The following PLAT variants were observed in gnomAD, a reference collection of about 807,000 sequenced individuals.
PLAT encodes plasminogen activator, tissue type, also known as tissue-type plasminogen activator.
Under a neutral mutation model 74.9 loss-of-function variants are expected in PLAT, and 48 were observed. That is an observed-to-expected ratio of 0.64 (90% CI 0.51 to 0.82). The LOEUF is 0.82. Among genes scored for constraint, PLAT ranks in the 40% least tolerant of loss-of-function variants. The pLI is 0.00. For synonymous variants in PLAT, 307 were observed against 294.4 expected, an observed-to-expected ratio of 1.04 and a Z score of -0.44; for missense variants, 673 against 736.2, an observed-to-expected ratio of 0.91 and a Z score of 0.99.
At chr8:42,184,515 G>A (rs8178767) in intron 7 of PLAT, among the ~76,000 whole-genome samples, 1,831 of 151,450 alleles carry the variant, frequency 0.012, 29 homozygotes, top group South Asian at 0.056. Context: ...GCCTGCCACC[G>A]TATCCGGCTA....
At chr8:42,194,011 C>T (rs1293702012) in intron 1 of PLAT, among the ~76,000 whole-genome samples, 5 of 122,828 alleles carry the variant, frequency 4.1e-5, no homozygotes, top group Non-Finnish European at 7.0e-5. Context: ...ACCGCGCCCC[C>T]GCTGCCTTTT....
chr8:42,194,215 T>TGAGAGAGAGAGAGAGAGAGAGAGA (rs140537859), intron 1 of PLAT, among the ~76,000 whole-genome samples: 1 of 119,912 alleles, frequency 8.3e-6, no homozygotes, highest in African/African-American at 4.6e-5. Flanking sequence ...TGTGCCTGGC[T>TGAGAGAGAGAGAGAGAGAGAGAGA]GAGAGAGAGA....
At chr8:42,200,429 C>T (rs1346225812) in intron 1 of PLAT, among the ~76,000 whole-genome samples, 1 of 152,058 alleles carries the variant, frequency 6.6e-6, no homozygotes, top group Non-Finnish European at 1.5e-5. Context: ...AATCCCAACA[C>T]TTTGGGAGGC....
intron 1 of PLAT, among the ~76,000 whole-genome samples, chr8:42,197,451 C>T (rs779247079): frequency 1.3e-5 from 2 of 152,150 alleles, no homozygotes; most frequent in East Asian, 1.9e-4. Context: ...AGTGGGGTAC[C>T]GTGCTGTAAG....
chr8:42,180,537 G>A lies in PLAT; in HGVS notation c.1038C>T (p.Leu346=), dbSNP rs746241266. The A allele has an allele frequency of 6.2e-7, 1 of 1,614,172 alleles. No individual in the cohort carries two copies. Among genetic ancestry groups the A allele is most frequent in the South Asian group, 1.1e-5 (1 of 91,088 alleles). Residue 346 remains leucine, a synonymous_variant, in exon 10 of 14, where the codon CTC becomes CTT. Coordinates refer to ENST00000220809, the MANE Select transcript of PLAT (RefSeq NM_000930.5). ...CAGAGAGAATCCAGCAGGAGCTGAT[G>A]AGTATGCCCCCGCACAGGAACCGCT... The part of the protein sequence containing the change: ...PGERFLCGGI[L]ISSCWILSAA...
chr8:42,203,604 C>A (rs547360682), intron 1 of PLAT, among the ~76,000 whole-genome samples: 1 of 152,238 alleles, frequency 6.6e-6, no homozygotes, highest in South Asian at 2.1e-4. Context: ...TCCCTCTATC[C>A]CATTCTACAG....
chr8:42,180,720 A>G, intron 9 of PLAT, 35 bp from the exon 10 acceptor site: 1 of 1,492,428 alleles, frequency 6.7e-7, no homozygotes, highest in Non-Finnish European at 9.1e-7. Flanking sequence ...AGTCAGTCCC[A>G]CAGGCCTCCT....
chr8:42,191,932 C>G (rs1805702587), intron 2 of PLAT, among the ~76,000 whole-genome samples: 2 of 151,266 alleles, frequency 1.3e-5, no homozygotes, highest in African/African-American at 4.9e-5. Context: ...GCTTCCATCT[C>G]AGCTAGAGAG....
rs752630879 is a variant in PLAT, at chr8:42,179,017, C to T, written c.1410G>A (p.Leu470=). Residue 470 remains leucine (L), a synonymous_variant, in exon 13 of 14, where the codon CTG becomes CTA. Coordinates refer to ENST00000220809, the MANE Select transcript of PLAT (RefSeq NM_000930.5). ...GTGATGTGCAGCGGCTGGATGGGTA[C>T]AGTCTGACATGAGCCTCCTTCAGCC... ...SERLKEAHVR[L]YPSSRCTSQH... 3.7e-6 allele frequency: 6 copies of T among 1,613,308 alleles called. No homozygotes were observed. The highest frequency in any genetic ancestry group is 2.2e-5 in the East Asian group (1 of 44,882).
In PLAT at chr8:42,180,537, G is replaced by T; in HGVS notation, c.1038C>A (p.Leu346=). The stretch of plus-strand genomic sequence containing the variant: ...CAGAGAGAATCCAGCAGGAGCTGAT[G>T]AGTATGCCCCCGCACAGGAACCGCT... ...PGERFLCGGI[L]ISSCWILSAA... is the part of the protein sequence containing the mutation. Residue 346 remains leucine, a synonymous_variant, in exon 10 of 14, where the codon CTC becomes CTA. Coordinates refer to ENST00000220809, the MANE Select transcript of PLAT (RefSeq NM_000930.5). 2.5e-6 allele frequency: 4 copies of T among 1,614,172 alleles called. No individual in the cohort carries two copies. The highest frequency in any genetic ancestry group is 2.5e-6 in the Non-Finnish European group (3 of 1,180,044).
chr8:42,185,604 T>C (rs1805423385), intron 6 of PLAT: 1 of 154,228 alleles, frequency 6.5e-6, no homozygotes, highest in African/African-American at 2.4e-5. Context: ...TTCTATCATG[T>C]TAGGCAGGAG....
Position 42,180,389 on chromosome 8 carries a change from A to C in PLAT, c.1086-11T>G. On this transcript the variant is annotated splice_polypyrimidine_tract_variant and intron_variant, in intron 10 of 13. Transcript: ENST00000220809. ...TGGTGGGGCGGAAACCTGGTGGAGAAACAGCCTTAGAATGCTTTTTTTGCT... is the reference window on the plus strand; with the variant it reads ...TGGTGGGGCGGAAACCTGGTGGAGACACAGCCTTAGAATGCTTTTTTTGCT... 1 of 1,614,110 alleles carries C rather than the reference A, an allele frequency of 6.2e-7. No homozygotes were observed. Among genetic ancestry groups the C allele is most frequent in the Non-Finnish European group, 8.5e-7 (1 of 1,179,950 alleles).
chr8:42,200,112 C>T (rs376505028), intron 1 of PLAT, among the ~76,000 whole-genome samples: 56 of 152,322 alleles, frequency 3.7e-4, no homozygotes, highest in African/African-American at 1.3e-3. Flanking sequence ...TGGATGAATG[C>T]CACTCACTCA....
intron 1 of PLAT, among the ~76,000 whole-genome samples, chr8:42,207,161 G>A (rs1244646719): frequency 6.6e-6 from 1 of 152,150 alleles, no homozygotes; most frequent in Admixed American, 6.5e-5. Context: ...TGCTCGTCTT[G>A]AGGTACTCCC....
Position 42,175,827 on chromosome 8 carries a change from G to A in PLAT, c.*166C>T, listed in dbSNP as rs117531596. ...CAAGTCCTGAAAACTTCCAAAATGG[G>A]AAGTATCTGGGAAAATGCACTCTTC... On this transcript the variant is annotated 3_prime_UTR_variant, in exon 14 of 14. Coordinates refer to ENST00000220809, the MANE Select transcript of PLAT (RefSeq NM_000930.5). The A allele has an allele frequency of 6.0e-3, 3,708 of 613,252 alleles. 20 individuals carry two copies. The highest frequency in any genetic ancestry group is 7.6e-3 in the Non-Finnish European group (2,664 of 350,818). The allele number at this position is 613,252 out of a possible 1,614,324, so 38.0% of individuals were successfully genotyped here.
chr8:42,178,966 G>C lies in PLAT; in HGVS notation c.1461C>G (p.Thr487=), dbSNP rs200252970. The change falls in exon 13 of 14, where the codon ACC becomes ACG. Residue 487 remains threonine, a synonymous_variant. Coordinates refer to ENST00000220809, the MANE Select transcript of PLAT (RefSeq NM_000930.5). ...TSQHLLNRTV[T]DNMLCAGDTR... ...TGTCTCCAGCACACAGCATGTTGTCGGTGACTGTTCTGTTAAGTAAATGTT... is the reference window on the plus strand; with the variant it reads ...TGTCTCCAGCACACAGCATGTTGTCCGTGACTGTTCTGTTAAGTAAATGTT... 6.2e-7 allele frequency: 1 copy of C among 1,613,982 alleles called. No individual in the cohort carries two copies. The highest frequency in any genetic ancestry group is 8.5e-7 in the Non-Finnish European group (1 of 1,179,988).
At chr8:42,191,696 A>T (rs1219508205) in intron 2 of PLAT, among the ~76,000 whole-genome samples, 2 of 152,154 alleles carry the variant, frequency 1.3e-5, no homozygotes, top group African/African-American at 2.4e-5. Flanking sequence ...AGTGCTTTGA[A>T]TGTGGCCAGT....
chr8:42,200,773 A>G (rs916051176), intron 1 of PLAT, among the ~76,000 whole-genome samples: 2 of 150,764 alleles, frequency 1.3e-5, no homozygotes, highest in Non-Finnish European at 2.9e-5. Context: ...CAGTTCTCTT[A>G]CCCCAAATCT....
At position 42,180,625 on chromosome 8, in the gene PLAT, G is replaced by A. The variant is rs1380086834; in HGVS notation, c.950C>T (p.Ala317Val). ...CTGCCAGGGGTGGGAGGCGATGTCGGCGAAGAGCCCTCCTTTGATGCGAAA... is the reference window on the plus strand; with the variant it reads ...CTGCCAGGGGTGGGAGGCGATGTCGACGAAGAGCCCTCCTTTGATGCGAAA... ...PQFRIKGGLF[A>V]DIASHPWQAA... The change falls in exon 10 of 14, where the codon GCC becomes GTC. Residue 317 changes from alanine to valine, a missense_variant. Coordinates refer to ENST00000220809, the MANE Select transcript of PLAT (RefSeq NM_000930.5). The A allele has an allele frequency of 5.0e-6, 8 of 1,611,576 alleles. 1 individual carries two copies. Among genetic ancestry groups the A allele is most frequent in the Non-Finnish European group, 6.8e-6 (8 of 1,178,512 alleles).
Sources: gnomAD v4.1 joint callset for allele counts (sites outside exome capture counted in the v4.1 genomes callset) on GRCh38, gnomAD v4.1.1 for gene constraint, MANE v1.5 for transcripts, NCBI Gene and HGNC (gene_info 2026-07-23, HGNC 2026-07-21) for gene names.